HIBCH: variants seen among roughly 807,000 people sequenced by gnomAD.
HIBCH encodes 3-hydroxyisobutyryl-CoA hydrolase, also known as 3-hydroxyisobutyryl-CoA hydrolase, mitochondrial.
Under a neutral mutation model 58.2 loss-of-function variants are expected in HIBCH, and 50 were observed. That is an observed-to-expected ratio of 0.86 (90% CI 0.68 to 1.09). The LOEUF (loss-of-function observed/expected upper bound fraction) is 1.09. Ranked by LOEUF, HIBCH falls within the 50% of genes least tolerant of loss-of-function variation. The probability of loss-of-function intolerance (pLI) is 0.00; values close to 1 mark genes in which losing one functional copy is unlikely to be tolerated. For synonymous variants in HIBCH, 151 were observed against 146.9 expected, an observed-to-expected ratio of 1.03 and a Z score of -0.20; for missense variants, 450 against 449.7, an observed-to-expected ratio of 1.00 and a Z score of -0.01.
In HIBCH at chr2:190,254,840, T is replaced by C. The variant is rs78682058; in HGVS notation, c.518-2533A>G. Among the ~76,000 whole-genome samples, 1,016 of 152,312 alleles carry C rather than the reference T, an allele frequency of 6.7e-3. 12 individuals carry two copies. Among genetic ancestry groups the C allele is most frequent in the African/African-American group, 0.022 (922 of 41,568 alleles). On this transcript the variant is annotated intron_variant, in intron 7 of 13. Transcript: ENST00000359678. The surrounding 1 kb of genome is among the most constrained non-coding windows in gnomAD (Gnocchi z 5.0). Reference sequence around the variant, plus strand: ...TGCTGTCCAACAGAACTTTCTACAATGATGAAATCTATAATTTCTGCTGTC... The same window carrying C: ...TGCTGTCCAACAGAACTTTCTACAACGATGAAATCTATAATTTCTGCTGTC...
At chr2:190,239,656 T>G (rs1265764698) in intron 11 of HIBCH, among the ~76,000 whole-genome samples, 2 of 150,498 alleles carry the variant, frequency 1.3e-5, no homozygotes, top group African/African-American at 2.4e-5. Context: ...AGTTTTTTTT[T>G]TTTTTTTTTT....
intron 6 of HIBCH, among the ~76,000 whole-genome samples, chr2:190,284,020 CTG>C (rs1047944355): frequency 2.6e-5 from 4 of 152,224 alleles, no homozygotes; most frequent in African/African-American, 9.7e-5. Context: ...AGCCTCGAGA[CTG>C]ATTCTCTAGG....
At chr2:190,317,281 A>G (rs2124880270) in intron 1 of HIBCH, among the ~76,000 whole-genome samples, 1 of 152,312 alleles carries the variant, frequency 6.6e-6, no homozygotes, top group Admixed American at 6.5e-5. Context: ...TTGTCCCTTA[A>G]GACACTTACC....
In HIBCH at chr2:190,216,763, A is replaced by G. The variant is rs572217441; in HGVS notation, c.892-3688T>C. Among the ~76,000 whole-genome samples, 3 of 152,176 alleles carry G rather than the reference A, an allele frequency of 2.0e-5. No homozygotes were observed. The highest frequency in any genetic ancestry group is 4.4e-5 in the Non-Finnish European group (3 of 68,032). ...AGTAGAGAGAGCTCGTGCTGGGGAGAAGTCTGCCAAGACGCTTTGAGGTGG... is the reference window on the plus strand; with the variant it reads ...AGTAGAGAGAGCTCGTGCTGGGGAGGAGTCTGCCAAGACGCTTTGAGGTGG... On this transcript the variant is annotated intron_variant, in intron 11 of 13. Coordinates refer to ENST00000359678, the MANE Select transcript of HIBCH (RefSeq NM_014362.4). This position sits in a 1 kb window ranked among gnomAD's most constrained non-coding sequence, Gnocchi z 4.2.
chr2:190,198,484 TTAGG>T (rs1690081683), intron 1 of HIBCH, among the ~76,000 whole-genome samples: 1 of 151,654 alleles, frequency 6.6e-6, no homozygotes, highest in African/African-American at 2.4e-5. Context: ...CTACAAAAAC[TTAGG>T]TAGGCATGGT....
Position 190,204,978 on chromosome 2 carries a change from T to G in HIBCH, c.*139A>C. On this transcript the variant is annotated 3_prime_UTR_variant, in exon 14 of 14. Coordinates refer to ENST00000359678, the MANE Select transcript of HIBCH (RefSeq NM_014362.4). ...ACGTCATGAATTATTAGTCTTTGAT[T>G]TCTTTTCCCAACCATTTAAAAATGC... 2 of 667,838 alleles carry G rather than the reference T, an allele frequency of 3.0e-6. No individual in the cohort carries two copies. 41.4% of individuals were successfully genotyped at this position (667,838 alleles called of 1,614,324 possible). A position where few individuals can be genotyped will look rare whatever the true frequency, so the allele number is the denominator to read the frequency against.
chr2:190,276,468 G>A (rs1049539846), intron 6 of HIBCH, among the ~76,000 whole-genome samples: 3 of 152,132 alleles, frequency 2.0e-5, no homozygotes, highest in African/African-American at 7.2e-5. Flanking sequence ...CATTAGAGTT[G>A]GGGCCAAATG....
chr2:190,319,739 G>C lies in HIBCH; in HGVS notation c.12C>G (p.Arg4=), dbSNP rs201078250. 1 of 1,612,728 alleles carries C rather than the reference G, an allele frequency of 6.2e-7. No homozygotes were observed. Among genetic ancestry groups the C allele is most frequent in the African/African-American group, 1.3e-5 (1 of 74,908 alleles). The stretch of plus-strand genomic sequence containing the variant: ...ACCTCGACATGAGCCTCCACATCTC[G>C]CGCTGCCCCATCGCCAAACACTCCG... MGQ[R]EMWRLMSRFN... The change falls in exon 1 of 14, where the codon CGC becomes CGG. Residue 4 remains arginine (R), a synonymous_variant. Transcript: ENST00000359678.
chr2:190,208,308 T>G (rs1690439718), intron 13 of HIBCH, among the ~76,000 whole-genome samples: 1 of 151,924 alleles, frequency 6.6e-6, no homozygotes, highest in African/African-American at 2.4e-5. Context: ...GGAGAAAGGG[T>G]AGGGGATTTG....
At chr2:190,234,229 C>G (rs1056245312) in intron 11 of HIBCH, among the ~76,000 whole-genome samples, 2 of 152,288 alleles carry the variant, frequency 1.3e-5, no homozygotes, top group African/African-American at 2.4e-5. Flanking sequence ...TAAACTGATA[C>G]AACTATATTA....
At chr2:190,263,025 T>G (rs1031543787) in intron 6 of HIBCH, among the ~76,000 whole-genome samples, 1 of 152,198 alleles carries the variant, frequency 6.6e-6, no homozygotes, top group Non-Finnish European at 1.5e-5. Flanking sequence ...AATGGCAGAT[T>G]CGTAACTAAT....
chr2:190,294,055 G>T lies in HIBCH; in HGVS notation c.304+491C>A, dbSNP rs868464339. 8.6e-3 allele frequency among the ~76,000 whole-genome samples: 724 copies of T among 83,858 alleles called. 6 individuals carry two copies. The highest frequency in any genetic ancestry group is 0.026 in the African/African-American group (683 of 25,888). The allele number at this position is 83,858 out of a possible 152,430, so 55.0% of individuals were successfully genotyped here. A position where few individuals can be genotyped will look rare whatever the true frequency, so the allele number is the denominator to read the frequency against. On this transcript the variant is annotated intron_variant, in intron 4 of 13. Coordinates refer to ENST00000359678, the MANE Select transcript of HIBCH (RefSeq NM_014362.4). ...ATATATATATATATATATATATATA[G>T]CAACAGGATAAATGCTATAAATAAG... is the stretch of plus-strand genomic sequence containing the variant.
chr2:190,276,243 G>T lies in HIBCH; in HGVS notation c.438+11343C>A, dbSNP rs190273455. 9.2e-5 allele frequency among the ~76,000 whole-genome samples: 14 copies of T among 152,234 alleles called. No homozygotes were observed. In the East Asian group the frequency reaches 2.7e-3, roughly 29 times the overall value. On this transcript the variant is annotated intron_variant, in intron 6 of 13. Transcript: ENST00000359678. Reference sequence around the variant, plus strand: ...TTAGCCAAAGCTTTAGCGGAAAAAGGCCCAAAGTTTCATCAGAGACTCCTC... The same window carrying T: ...TTAGCCAAAGCTTTAGCGGAAAAAGTCCCAAAGTTTCATCAGAGACTCCTC...
chr2:190,272,860 G>A (rs972746418), intron 6 of HIBCH, among the ~76,000 whole-genome samples: 16 of 151,974 alleles, frequency 1.1e-4, no homozygotes, highest in Admixed American at 5.2e-4. Context: ...GATGGAAATG[G>A]GGTATAGGAA....
chr2:190,296,813 C>A lies in HIBCH; in HGVS notation c.219G>T (p.Lys73Asn), dbSNP rs1273144971. 14 of 1,613,230 alleles carry A rather than the reference C, an allele frequency of 8.7e-6. No individual in the cohort carries two copies. The highest frequency in any genetic ancestry group is 1.2e-5 in the Non-Finnish European group (14 of 1,179,356). Residue 73 changes from lysine (K) to asparagine (N), a missense_variant and splice_region_variant, in exon 3 of 14, where the codon AAG becomes AAT. Lys to Asn is a moderately conservative substitution (Grantham distance 94). Coordinates refer to ENST00000359678, the MANE Select transcript of HIBCH (RefSeq NM_014362.4). Reference sequence around the variant, plus strand: ...TAATTGCAATAAGAAAATTACAAACCTTTAGCTGTGGATAAATCTGCCGAA... The same window carrying A: ...TAATTGCAATAAGAAAATTACAAACATTTAGCTGTGGATAAATCTGCCGAA... ...NMIRQIYPQLKKWEQDPETFL... is the reference protein window; with the variant it reads ...NMIRQIYPQLNKWEQDPETFL...
At chr2:190,192,166 G>A (rs559542493) in intron 1 of HIBCH, among the ~76,000 whole-genome samples, 4 of 152,112 alleles carry the variant, frequency 2.6e-5, no homozygotes, top group African/African-American at 9.6e-5. Flanking sequence ...TGGGGGGAGA[G>A]TATGTGAATG....
chr2:190,251,668 C>T, intron 8 of HIBCH: 3 of 216,910 alleles, frequency 1.4e-5, no homozygotes, highest in South Asian at 6.5e-5. Flanking sequence ...AGAAAATTGG[C>T]CACATTGTTT....
rs563342684 is a variant in HIBCH at position 190,207,034 on chromosome 2, A to C, written c.1046-1802T>G. Among the ~76,000 whole-genome samples, 189 of 152,228 alleles carry C rather than the reference A, an allele frequency of 1.2e-3. No homozygotes were observed. Among genetic ancestry groups the C allele is most frequent in the Middle Eastern group, 3.4e-3 (1 of 294 alleles). ...CTACTCGGGAGGCTGAGGCAGGAGA[A>C]TGGTGTGAACCCGGGAGGCGGAGTT... On this transcript the variant is annotated intron_variant, in intron 13 of 13. Transcript: ENST00000359678. This position sits in a 1 kb window ranked among gnomAD's most constrained non-coding sequence, Gnocchi z 4.5.
At chr2:190,300,274 C>T (rs1398390844) in intron 2 of HIBCH, among the ~76,000 whole-genome samples, 1 of 152,192 alleles carries the variant, frequency 6.6e-6, no homozygotes, top group Non-Finnish European at 1.5e-5. Context: ...AATTTAAACG[C>T]TCATCAACAG....
Sources: allele counts gnomAD v4.1 joint callset (sites outside exome capture counted in the v4.1 genomes callset), GRCh38; gene constraint gnomAD v4.1.1; non-coding constraint Gnocchi (gnomAD v3.1); transcripts MANE v1.5; gene names NCBI Gene and HGNC (gene_info 2026-07-23, HGNC 2026-07-21).